Variants in CARMIL1 observed in about 807,000 individuals in gnomAD.
CARMIL1 encodes F-actin-uncapping protein LRRC16A.
In CARMIL1, 90 loss-of-function variants were observed where a neutral mutation model predicts 177.1. That is an observed-to-expected ratio of 0.51 (90% CI 0.43 to 0.61). The LOEUF is 0.61. Ranked by LOEUF, CARMIL1 falls within the 20% of genes least tolerant of loss-of-function variation. The probability of loss-of-function intolerance (pLI) is 0.00; values close to 1 mark genes in which losing one functional copy is unlikely to be tolerated. For missense variants in CARMIL1, 1,380 were observed against 1,667.0 expected, an observed-to-expected ratio of 0.83 and a Z score of 3.00; for synonymous variants, 577 against 606.2, an observed-to-expected ratio of 0.95 and a Z score of 0.71.
Position 25,577,300 on chromosome 6 carries a change from CAAT to C in CARMIL1, c.2743-3618_2743-3616del, listed in dbSNP as rs1812686768. On this transcript the variant is annotated intron_variant, in intron 29 of 36. Coordinates refer to ENST00000329474, the MANE Select transcript of CARMIL1 (RefSeq NM_017640.6). The surrounding 1 kb of genome is among the most constrained non-coding windows in gnomAD (Gnocchi z 4.5). ...GCTTATTCCACTCATGTAATAATAA[CAAT>C]AATAAAGACATGATTACTTTTAAGA... Among the ~76,000 whole-genome samples the C allele has an allele frequency of 6.6e-6, 1 of 152,114 alleles. No individual in the cohort carries two copies. Among genetic ancestry groups the C allele is most frequent in the African/African-American group, 2.4e-5 (1 of 41,426 alleles).
At position 25,491,980 on chromosome 6, in the gene CARMIL1, A is replaced by G. The variant is rs377529456; in HGVS notation, c.1176A>G (p.Gln392=). 744 of 1,613,750 alleles carry G rather than the reference A, an allele frequency of 4.6e-4. 3 individuals carry two copies. In the Middle Eastern group the frequency reaches 0.011, roughly 24 times the overall value. Residue 392 remains glutamine (Q), a synonymous_variant, in exon 15 of 37, where the codon CAA becomes CAG. Coordinates refer to ENST00000329474, the MANE Select transcript of CARMIL1 (RefSeq NM_017640.6). ...VCGALLRGCL[Q]YLAVLNLSRT... The stretch of plus-strand genomic sequence containing the variant: ...GAGCTCTTCTCCGTGGATGCCTTCA[A>G]TATTTAGCTGTGCTCAACCTCTCCA...
intron 2 of CARMIL1, among the ~76,000 whole-genome samples, chr6:25,339,606 G>A (rs2690086): frequency 0.43 from 65,182 of 151,980 alleles, 14,203 homozygotes; most frequent in African/African-American, 0.51. Context: ...AGGCAGATTT[G>A]TGGTCTTTTT....
chr6:25,534,219 G>A (rs1008923950), intron 24 of CARMIL1, among the ~76,000 whole-genome samples: 3 of 151,696 alleles, frequency 2.0e-5, no homozygotes, highest in African/African-American at 7.3e-5. Flanking sequence ...GGGAAGCTGA[G>A]CCACCGTGAA....
chr6:25,606,450 CTTT>C lies in CARMIL1; in HGVS notation c.3847+179_3847+181del, dbSNP rs375879510. ...TGAAAGTGATGAGAGCTGACGGATT[CTTT>C]TATTTAATGCAGAGGCCCACCATGT... On this transcript the variant is annotated intron_variant, in intron 35 of 36. Transcript: ENST00000329474. 1.8e-4 allele frequency among the ~76,000 whole-genome samples: 27 copies of C among 152,018 alleles called. No individual in the cohort carries two copies. The East Asian group carries it at 3.7e-3, about 21-fold the overall frequency.
At chr6:25,336,918 AG>A (rs1212022465) in intron 2 of CARMIL1, among the ~76,000 whole-genome samples, 54 of 152,226 alleles carry the variant, frequency 3.5e-4, no homozygotes, top group African/African-American at 1.3e-3. Flanking sequence ...CAGAGTCACA[AG>A]CCGTTTGGAA....
intron 31 of CARMIL1, among the ~76,000 whole-genome samples, chr6:25,586,238 CG>C (rs1562312344): frequency 6.9e-6 from 1 of 145,580 alleles, no homozygotes; most frequent in African/African-American, 2.6e-5. Flanking sequence ...ACTTCTCAGA[CG>C]GGGTGGCCGG....
intron 2 of CARMIL1, among the ~76,000 whole-genome samples, chr6:25,297,242 T>G (rs927942118): frequency 6.6e-6 from 1 of 152,272 alleles, no homozygotes; most frequent in Non-Finnish European, 1.5e-5. Flanking sequence ...TAATCAAAAC[T>G]AGGCTGCACA....
chr6:25,443,790 G>A (rs1019258699), intron 5 of CARMIL1, among the ~76,000 whole-genome samples: 1 of 151,980 alleles, frequency 6.6e-6, no homozygotes, highest in Non-Finnish European at 1.5e-5. Flanking sequence ...CTAAGAGTTG[G>A]GGTGGCTATG....
chr6:25,339,543 T>C (rs574115566), intron 2 of CARMIL1, among the ~76,000 whole-genome samples: 2 of 152,342 alleles, frequency 1.3e-5, no homozygotes, highest in South Asian at 4.1e-4. Flanking sequence ...AGGTAGTAGA[T>C]ATCTCAGATA....
intron 2 of CARMIL1, among the ~76,000 whole-genome samples, chr6:25,303,597 A>T (rs1340926783): frequency 6.6e-6 from 1 of 152,250 alleles, no homozygotes. Flanking sequence ...CTCACAGGAC[A>T]CTGGTGTTCC....
At chr6:25,436,288 G>A (rs1459141484) in intron 5 of CARMIL1, among the ~76,000 whole-genome samples, 1 of 152,124 alleles carries the variant, frequency 6.6e-6, no homozygotes, top group Non-Finnish European at 1.5e-5. Flanking sequence ...AAAATAATAG[G>A]TATAGTCAAA....
At chr6:25,333,579 A>G (rs575163673) in intron 2 of CARMIL1, among the ~76,000 whole-genome samples, 1 of 152,318 alleles carries the variant, frequency 6.6e-6, no homozygotes, top group Non-Finnish European at 1.5e-5. Flanking sequence ...AAATAAAAAT[A>G]TGTTTTGTGC....
chr6:25,345,407 C>T (rs1459238480), intron 2 of CARMIL1, among the ~76,000 whole-genome samples: 1 of 152,114 alleles, frequency 6.6e-6, no homozygotes, highest in Admixed American at 6.6e-5. Flanking sequence ...ATGACTTCTG[C>T]ATTCGTATTT....
chr6:25,361,254 G>A (rs1789161261), intron 2 of CARMIL1, among the ~76,000 whole-genome samples: 1 of 151,992 alleles, frequency 6.6e-6, no homozygotes, highest in African/African-American at 2.4e-5. Flanking sequence ...TTATGGTTTT[G>A]CAAATTAGAA....
rs1177401016 is a variant in CARMIL1 at position 25,520,269 on chromosome 6, A to C, written c.1900A>C (p.Ile634Leu). The C allele has an allele frequency of 6.4e-7, 1 of 1,554,326 alleles. No individual in the cohort carries two copies. Among genetic ancestry groups the C allele is most frequent in the Middle Eastern group, 1.7e-4 (1 of 5,956 alleles). ...EKNYTLRFMP[I>L]PMYDASQALK... ...GAACTACACATTAAGATTTATGCCAATTCCTATGTATGATGCTTCTCAAGC... is the reference window on the plus strand; with the variant it reads ...GAACTACACATTAAGATTTATGCCACTTCCTATGTATGATGCTTCTCAAGC... The change falls in exon 23 of 37, where the codon ATT (isoleucine) becomes CTT (leucine). Residue 634 changes from isoleucine (I) to leucine (L), a missense_variant. Coordinates refer to ENST00000329474, the MANE Select transcript of CARMIL1 (RefSeq NM_017640.6).
intron 2 of CARMIL1, among the ~76,000 whole-genome samples, chr6:25,360,805 A>G (rs971786527): frequency 2.0e-5 from 3 of 152,188 alleles, no homozygotes; most frequent in African/African-American, 7.2e-5. Context: ...ACGTTGAGGA[A>G]TGAATATGCT....
chr6:25,557,463 TA>T (rs1268244021), intron 29 of CARMIL1, among the ~76,000 whole-genome samples: 1 of 152,252 alleles, frequency 6.6e-6, no homozygotes, highest in Admixed American at 6.5e-5. Context: ...AGGAAAATTT[TA>T]TCTGAATCCT....
Sources: gnomAD v4.1 joint callset for allele counts (sites outside exome capture counted in the v4.1 genomes callset) on GRCh38, gnomAD v4.1.1 for gene constraint, Gnocchi (gnomAD v3.1) non-coding constraint, MANE v1.5 for transcripts, NCBI Gene and HGNC (gene_info 2026-07-23, HGNC 2026-07-21) for gene names.